The following KSR2 variants were observed in gnomAD, a reference collection of about 807,000 sequenced individuals.
KSR2 encodes the protein kinase suppressor of ras 2.
In KSR2, 25 loss-of-function variants were observed where a neutral mutation model predicts 107.8. The ratio of observed to expected loss-of-function variants is 0.23; its 90% CI spans 0.17 to 0.32. KSR2 has a LOEUF of 0.32. Among genes scored for constraint, KSR2 ranks in the 10% least tolerant of loss-of-function variants. The probability of loss-of-function intolerance (pLI) is 1.00; values close to 1 mark genes in which losing one functional copy is unlikely to be tolerated. For synonymous variants in KSR2, 480 were observed against 507.0 expected (o/e 0.95, Z 0.71); for missense variants, 887 against 1,268.9 (o/e 0.70, Z 4.57).
intron 3 of KSR2, among the ~76,000 whole-genome samples, chr12:117,828,623 C>T (rs955407788): frequency 1.3e-5 from 2 of 152,242 alleles, no homozygotes; most frequent in African/African-American, 2.4e-5. Context: ...CCTGCCCTTG[C>T]GGCCAGGCTG....
intron 1 of KSR2, among the ~76,000 whole-genome samples, chr12:117,868,853 C>T (rs35943297): frequency 0.17 from 26,387 of 151,772 alleles, 2,548 homozygotes; most frequent in African/African-American, 0.23. Context: ...AAGGTTCAAG[C>T]GAGTCTCCTG....
At chr12:117,834,046 G>T (rs1566038579) in intron 3 of KSR2, among the ~76,000 whole-genome samples, 1 of 151,868 alleles carries the variant, frequency 6.6e-6, no homozygotes, top group African/African-American at 2.4e-5. Context: ...GGGGCTGAGG[G>T]AGGAGGACGG....
At chr12:117,784,070 C>T (rs1889976784) in intron 3 of KSR2, among the ~76,000 whole-genome samples, 1 of 152,124 alleles carries the variant, frequency 6.6e-6, no homozygotes. Context: ...GTTACGGATT[C>T]ATGGGTACAT....
chr12:117,873,570 C>T (rs1453945507), intron 1 of KSR2, among the ~76,000 whole-genome samples: 5 of 149,322 alleles, frequency 3.3e-5, no homozygotes, highest in East Asian at 2.1e-4. Flanking sequence ...AAGCGATTCT[C>T]GTGCCTCAGC....
intron 1 of KSR2, among the ~76,000 whole-genome samples, chr12:117,865,102 T>TA (rs1165115010): frequency 1.3e-5 from 2 of 151,870 alleles, no homozygotes; most frequent in African/African-American, 4.8e-5. Flanking sequence ...AAAAATAAAA[T>TA]AAAAAACTAA....
At chr12:117,737,933 G>A (rs1037441518) in intron 4 of KSR2, among the ~76,000 whole-genome samples, 3 of 151,994 alleles carry the variant, frequency 2.0e-5, no homozygotes, top group Non-Finnish European at 2.9e-5. Context: ...GTTGGCCAGC[G>A]TACCTCTTAA....
chr12:117,708,949 T>A (rs1334327688), intron 4 of KSR2, among the ~76,000 whole-genome samples: 1 of 152,164 alleles, frequency 6.6e-6, no homozygotes, highest in African/African-American at 2.4e-5. Context: ...ATTCCCTGAA[T>A]CATGGCCCCT....
At chr12:117,509,883 A>T (rs923523096) in intron 14 of KSR2, among the ~76,000 whole-genome samples, 1 of 152,222 alleles carries the variant, frequency 6.6e-6, no homozygotes, top group Non-Finnish European at 1.5e-5. Flanking sequence ...GAATCTTTTG[A>T]TTTAAAGCAA....
intron 4 of KSR2, among the ~76,000 whole-genome samples, chr12:117,692,354 G>A (rs1350125206): frequency 2.7e-5 from 4 of 150,720 alleles, no homozygotes; most frequent in African/African-American, 7.3e-5. Context: ...ACATATCACA[G>A]GTGAGGATAT....
At position 117,463,358 on chromosome 12, in the gene KSR2, C is replaced by G. The variant is rs1391996332; in HGVS notation, c.*3841G>C. 2 of 152,200 alleles carry G rather than the reference C, an allele frequency of 1.3e-5. No homozygotes were observed. The highest frequency in any genetic ancestry group is 2.9e-5 in the Non-Finnish European group (2 of 68,058). 9.4% of individuals were successfully genotyped at this position (152,200 alleles called of 1,614,324 possible). On this transcript the variant is annotated 3_prime_UTR_variant, in exon 20 of 20. Coordinates refer to ENST00000339824, the MANE Select transcript of KSR2 (RefSeq NM_173598.6). The stretch of plus-strand genomic sequence containing the variant: ...TATCCAACCCTCTCTATCAAAGGCT[C>G]CTGTTCCTCCCCTGACAGCCATATC...
chr12:117,880,895 C>T (rs867646315), intron 1 of KSR2, among the ~76,000 whole-genome samples: 29 of 152,014 alleles, frequency 1.9e-4, no homozygotes, highest in Middle Eastern at 6.8e-3. Context: ...GTCTCGAACT[C>T]CTGATCTCAG....
At chr12:117,673,452 GA>G (rs748032358) in intron 4 of KSR2, among the ~76,000 whole-genome samples, 8 of 152,104 alleles carry the variant, frequency 5.3e-5, no homozygotes, top group Non-Finnish European at 8.8e-5. Flanking sequence ...AGGATGGACA[GA>G]TGGAAAGAGG....
At chr12:117,721,701 C>T (rs1305557374) in intron 4 of KSR2, among the ~76,000 whole-genome samples, 1 of 152,148 alleles carries the variant, frequency 6.6e-6, no homozygotes, top group Non-Finnish European at 1.5e-5. Flanking sequence ...GATTCACAAA[C>T]AGAGTGCATT....
intron 3 of KSR2, among the ~76,000 whole-genome samples, chr12:117,774,093 T>C (rs546180736): frequency 3.6e-4 from 55 of 152,238 alleles, no homozygotes; most frequent in African/African-American, 1.3e-3. Context: ...TGGAGCCCCC[T>C]AACCCCTCAG....
intron 1 of KSR2, among the ~76,000 whole-genome samples, chr12:117,875,321 C>A (rs1241369062): frequency 6.8e-6 from 1 of 146,378 alleles, no homozygotes; most frequent in African/African-American, 2.6e-5. Context: ...AAATCCTCAC[C>A]CCTTAGGTGC....
chr12:117,595,939 T>C (rs1046689974), intron 5 of KSR2, among the ~76,000 whole-genome samples: 7 of 152,094 alleles, frequency 4.6e-5, no homozygotes, highest in African/African-American at 1.4e-4. Flanking sequence ...ATTCTGACCA[T>C]GGTGATTGCT....
chr12:117,584,860 G>A (rs1219049837), intron 5 of KSR2, among the ~76,000 whole-genome samples: 2 of 152,196 alleles, frequency 1.3e-5, no homozygotes, highest in Admixed American at 1.3e-4. Flanking sequence ...GAAAACAAAA[G>A]GAGCTCAGAG....
At chr12:117,626,071 G>GCAT (rs1334748866) in intron 5 of KSR2, among the ~76,000 whole-genome samples, 4 of 152,012 alleles carry the variant, frequency 2.6e-5, no homozygotes, top group Admixed American at 2.6e-4. Context: ...CTTTTTTATT[G>GCAT]CATCTATTTG....
At chr12:117,889,910 G>A (rs1173820380) in intron 1 of KSR2, among the ~76,000 whole-genome samples, 3 of 152,270 alleles carry the variant, frequency 2.0e-5, no homozygotes, top group East Asian at 1.9e-4. Flanking sequence ...ATTCACCCCC[G>A]AATATCAGTA....
Sources: allele counts gnomAD v4.1 joint callset (sites outside exome capture counted in the v4.1 genomes callset), GRCh38; gene constraint gnomAD v4.1.1; transcripts MANE v1.5; gene names NCBI Gene and HGNC (gene_info 2026-07-23, HGNC 2026-07-21).